Variants in SEPTIN2 observed in about 807,000 individuals in gnomAD.
SEPTIN2 encodes septin-2.
In SEPTIN2, 34 loss-of-function variants were observed where a neutral mutation model predicts 46.5. The ratio of observed to expected loss-of-function variants is 0.73; its 90% CI spans 0.56 to 0.97. The LOEUF is 0.97. Ranked by LOEUF, SEPTIN2 falls within the 50% of genes least tolerant of loss-of-function variation. The probability of loss-of-function intolerance (pLI) is 0.00; values close to 1 mark genes in which losing one functional copy is unlikely to be tolerated. For synonymous variants in SEPTIN2, 175 were observed against 153.4 expected (o/e 1.14, Z -1.04); for missense variants, 347 against 448.4 (o/e 0.77, Z 2.04).
chr2:241,344,000 T>G (rs958743260), intron 9 of SEPTIN2, 103 bp downstream of exon 9: 1 of 1,346,866 alleles, frequency 7.4e-7, no homozygotes, highest in African/African-American at 1.4e-5. Flanking sequence ...GCCAGCAGCT[T>G]CATTGCCGCC....
chr2:241,323,356 G>C (rs995828683), intron 1 of SEPTIN2, among the ~76,000 whole-genome samples: 5 of 151,930 alleles, frequency 3.3e-5, no homozygotes, highest in Non-Finnish European at 5.9e-5. Flanking sequence ...TTTTAGTAGA[G>C]ACGGGGTTTC....
At chr2:241,316,063 A>G (rs1031673744) in intron 1 of SEPTIN2, 81 bp downstream of exon 1, 2 of 156,344 alleles carry the variant, frequency 1.3e-5, no homozygotes, top group African/African-American at 4.9e-5. Context: ...CGCTCGTCCC[A>G]TACTCTCGGG....
At position 241,346,259 on chromosome 2, in the gene SEPTIN2, C is replaced by T; in HGVS notation, c.926+10C>T. On this transcript the variant is annotated intron_variant, in intron 10 of 12. Coordinates refer to ENST00000391971, the MANE Select transcript of SEPTIN2 (RefSeq NM_004404.5). ...TCAAGAGAGGCGGCAGGTCATCACA[C>T]TGTGCCCCTTTCTCTGTATTGTGTC... 1 of 1,610,946 alleles carries T rather than the reference C, an allele frequency of 6.2e-7. No individual in the cohort carries two copies. Among genetic ancestry groups the T allele is most frequent in the Non-Finnish European group, 8.5e-7 (1 of 1,177,262 alleles).
At chr2:241,342,534 A>ATTTTTTTTTTTTTTTT (rs548033372) in intron 7 of SEPTIN2, among the ~76,000 whole-genome samples, 1 of 86,986 alleles carries the variant, frequency 1.1e-5, no homozygotes, top group Non-Finnish European at 2.1e-5. Context: ...AGTTTTGTAA[A>ATTTTTTTTTTTTTTTT]TTTTTTTTTT....
rs1203749096 is a variant in SEPTIN2, at chr2:241,338,857, TAA to T, written c.594+1071_594+1072del. Among the ~76,000 whole-genome samples, 53 of 95,750 alleles carry T rather than the reference TAA, an allele frequency of 5.5e-4. No homozygotes were observed. The East Asian group carries it at 9.7e-3, about 18-fold the overall frequency. 62.8% of individuals were successfully genotyped at this position (95,750 alleles called of 152,430 possible). On this transcript the variant is annotated intron_variant, in intron 7 of 12. Transcript: ENST00000391971. ...ATATATAATAAATATATAATATATA[TAA>T]AAATATATATATTTAATATATCTAT...
chr2:241,316,597 C>T lies in SEPTIN2; in HGVS notation c.-18+615C>T. The T allele has an allele frequency of 8.7e-6, 12 of 1,385,468 alleles. No individual in the cohort carries two copies. The Admixed American group carries it at 1.6e-4, about 19-fold the overall frequency. The allele number at this position is 1,385,468 out of a possible 1,614,324, so 85.8% of individuals were successfully genotyped here. ...GGGGGTAGGGTATAGGGTTGGAGGC[C>T]GCCGAGTTGGCCCGGGGATGAGGAG... On this transcript the variant is annotated intron_variant, in intron 1 of 12. Coordinates refer to ENST00000391971, the MANE Select transcript of SEPTIN2 (RefSeq NM_004404.5).
intron 3 of SEPTIN2, among the ~76,000 whole-genome samples, chr2:241,333,231 G>A (rs187615897): frequency 6.6e-6 from 1 of 152,146 alleles, no homozygotes; most frequent in East Asian, 1.9e-4. Flanking sequence ...AAGAAAAATG[G>A]GTGTATCAGG....
At chr2:241,342,576 C>G (rs906530847) in intron 7 of SEPTIN2, among the ~76,000 whole-genome samples, 4 of 132,698 alleles carry the variant, frequency 3.0e-5, no homozygotes, top group Non-Finnish European at 3.1e-5. Context: ...AGTCTTGCTC[C>G]GTCACCCAGG....
chr2:241,330,037 A>G (rs1292930331), intron 3 of SEPTIN2, among the ~76,000 whole-genome samples: 1 of 152,250 alleles, frequency 6.6e-6, no homozygotes, highest in Non-Finnish European at 1.5e-5. Flanking sequence ...TTCTAAGAGA[A>G]GTTAGTATTA....
intron 4 of SEPTIN2, 124 bp from the exon 5 acceptor site, chr2:241,335,851 T>A (rs1575273894): frequency 8.3e-7 from 1 of 1,204,932 alleles, no homozygotes; most frequent in East Asian, 2.3e-5. Flanking sequence ...TTAATCCCCA[T>A]GGTATCTTTG....
Position 241,319,832 on chromosome 2 carries a change from G to T in SEPTIN2, c.-18+3850G>T, listed in dbSNP as rs186342891. ...TGGTCTTGAACTCCTGAGCTCAAGC[G>T]CTCCTCCTGCCTCAGCTTCCCAAAG... is the stretch of plus-strand genomic sequence containing the variant. On this transcript the variant is annotated intron_variant, in intron 1 of 12. Coordinates refer to ENST00000391971, the MANE Select transcript of SEPTIN2 (RefSeq NM_004404.5). Among the ~76,000 whole-genome samples the T allele has an allele frequency of 6.1e-3, 925 of 152,262 alleles. 6 individuals carry two copies. Among genetic ancestry groups the T allele is most frequent in the Non-Finnish European group, 8.4e-3 (574 of 68,012 alleles).
chr2:241,317,936 A>G (rs1224976281), intron 1 of SEPTIN2, among the ~76,000 whole-genome samples: 1 of 152,156 alleles, frequency 6.6e-6, no homozygotes, highest in African/African-American at 2.4e-5. Flanking sequence ...ATTTGACTAC[A>G]TTTTTGGTCC....
chr2:241,343,671 T>C, intron 8 of SEPTIN2, 81 bp from the exon 9 acceptor site: 1 of 1,512,906 alleles, frequency 6.6e-7, no homozygotes, highest in Non-Finnish European at 9.1e-7. Context: ...ATGTGTTAAG[T>C]CTGTGCTAAT....
intron 1 of SEPTIN2, among the ~76,000 whole-genome samples, chr2:241,323,239 C>G (rs947257702): frequency 6.6e-6 from 1 of 151,406 alleles, no homozygotes; most frequent in Non-Finnish European, 1.5e-5. Context: ...GGCATGATCT[C>G]GGCTCACTGC....
rs973320200 is a variant in SEPTIN2, at chr2:241,345,903, G to A, written c.843-263G>A. Among the ~76,000 whole-genome samples the A allele has an allele frequency of 5.3e-5, 8 of 152,286 alleles. No individual in the cohort carries two copies. The East Asian group carries it at 1.4e-3, about 26-fold the overall frequency. Reference sequence around the variant, plus strand: ...GTGATGGCCTCACACAGGGGTGGCAGTGCCTCTAGCAGAAATCCCCCTGAG... The same window carrying A: ...GTGATGGCCTCACACAGGGGTGGCAATGCCTCTAGCAGAAATCCCCCTGAG... On this transcript the variant is annotated intron_variant, in intron 9 of 12. Transcript: ENST00000391971.
At chr2:241,317,641 TG>T (rs1238288805) in intron 1 of SEPTIN2, 1 of 802,002 alleles carries the variant, frequency 1.2e-6, no homozygotes, top group Non-Finnish European at 1.5e-6. Flanking sequence ...TAGTCATACA[TG>T]CCACTTATCC....
At chr2:241,342,823 A>C (rs1411409195) in intron 7 of SEPTIN2, among the ~76,000 whole-genome samples, 169 bp from the exon 8 acceptor site, 1 of 152,192 alleles carries the variant, frequency 6.6e-6, no homozygotes, top group Admixed American at 6.5e-5. Context: ...GACGTGAGCC[A>C]CCACACCCGG....
chr2:241,330,651 T>C (rs367701810), intron 3 of SEPTIN2, among the ~76,000 whole-genome samples: 15 of 152,230 alleles, frequency 9.9e-5, no homozygotes, highest in Non-Finnish European at 7.3e-5. Context: ...TGAGATCATA[T>C]ATAATAAGCA....
intron 10 of SEPTIN2, 70 bp from the exon 11 acceptor site, chr2:241,348,064 G>C: frequency 8.1e-7 from 1 of 1,241,280 alleles, no homozygotes; most frequent in Non-Finnish European, 1.2e-6. Context: ...TTTTAAAGTA[G>C]AATTTTTTGG....
Sources: allele counts gnomAD v4.1 joint callset (sites outside exome capture counted in the v4.1 genomes callset), GRCh38; gene constraint gnomAD v4.1.1; transcripts MANE v1.5; gene names NCBI Gene and HGNC (gene_info 2026-07-23, HGNC 2026-07-21).